ARID4A: variants seen among roughly 807,000 people sequenced by gnomAD.
ARID4A encodes AT-rich interactive domain-containing protein 4A.
In ARID4A, 39 loss-of-function variants were observed where a neutral mutation model predicts 148.6. The observed-to-expected ratio is 0.26, with a 90% confidence interval of 0.20 to 0.34. The LOEUF (loss-of-function observed/expected upper bound fraction) is 0.34. Among genes scored for constraint, ARID4A ranks in the 10% least tolerant of loss-of-function variants. The pLI is 1.00. For missense variants in ARID4A, 1,265 were observed against 1,449.1 expected (o/e 0.87, Z 2.06); for synonymous variants, 475 against 481.2 (o/e 0.99, Z 0.17).
At chr14:58,340,415 T>C (rs2140218137) in intron 11 of ARID4A, among the ~76,000 whole-genome samples, 1 of 152,218 alleles carries the variant, frequency 6.6e-6, no homozygotes, top group African/African-American at 2.4e-5. Context: ...AGTGGCACAA[T>C]CTTGGCTCAC....
chr14:58,340,436 G>A (rs1249701072), intron 11 of ARID4A, among the ~76,000 whole-genome samples: 1 of 152,120 alleles, frequency 6.6e-6, no homozygotes, highest in Non-Finnish European at 1.5e-5. Context: ...TACAACCTCC[G>A]CCTCCTGGGT....
chr14:58,346,065 T>C (rs1258506698), intron 12 of ARID4A, among the ~76,000 whole-genome samples: 1 of 151,780 alleles, frequency 6.6e-6, no homozygotes, highest in Non-Finnish European at 1.5e-5. Context: ...ACCAGCAACA[T>C]TGTTGGCCAC....
In ARID4A at chr14:58,349,086, T is replaced by C. The variant is rs554938446; in HGVS notation, c.1404+1208T>C. On this transcript the variant is annotated intron_variant, in intron 15 of 23. Transcript: ENST00000355431. ...ATGAATTTGATATTCTAGGTACTTT[T>C]ATATAAGTGAAATCATACAGTGTTT... Among the ~76,000 whole-genome samples the C allele has an allele frequency of 9.2e-5, 14 of 152,318 alleles. No individual in the cohort carries two copies. In the South Asian group the frequency reaches 2.9e-3, roughly 32 times the overall value.
At chr14:58,365,343 A>T in intron 20 of ARID4A, 43 bp downstream of exon 20, 1 of 1,550,542 alleles carries the variant, frequency 6.4e-7, no homozygotes, top group South Asian at 1.3e-5. Context: ...TATGAAACCA[A>T]AAATCAAAAC....
chr14:58,317,252 AT>A (rs920054318), intron 5 of ARID4A, among the ~76,000 whole-genome samples: 10 of 148,360 alleles, frequency 6.7e-5, no homozygotes, highest in African/African-American at 2.5e-4. Flanking sequence ...TGTAATTATG[AT>A]TTTTTTTAAA....
intron 15 of ARID4A, among the ~76,000 whole-genome samples, chr14:58,350,348 T>G (rs535638123): frequency 1.2e-3 from 190 of 152,342 alleles, no homozygotes; most frequent in Non-Finnish European, 1.7e-3. Flanking sequence ...CTTTATCTGC[T>G]TTATTCCAAG....
At chr14:58,369,085 A>G (rs1483840504) in intron 23 of ARID4A, among the ~76,000 whole-genome samples, 2 of 152,246 alleles carry the variant, frequency 1.3e-5, no homozygotes, top group East Asian at 3.8e-4. Flanking sequence ...AAATTCCACT[A>G]GAGGGTCAAA....
intron 7 of ARID4A, among the ~76,000 whole-genome samples, chr14:58,323,161 TA>T (rs905599033): frequency 1.2e-3 from 175 of 144,000 alleles, no homozygotes; most frequent in African/African-American, 2.2e-3. Flanking sequence ...AGGGCAATCT[TA>T]AAAAAAAAAA....
Position 58,358,158 on chromosome 14 carries a change from C to T in ARID4A, c.1854-974C>T, listed in dbSNP as rs150694526. 6.0e-3 allele frequency among the ~76,000 whole-genome samples: 914 copies of T among 152,084 alleles called. 14 individuals are homozygous for T. The highest frequency in any genetic ancestry group is 0.021 in the African/African-American group (884 of 41,480). ...TCATGCCTCTGCACTCCATCCTGGG[C>T]AACAGAGTGAGACCCTCTCTAAAAA... On this transcript the variant is annotated intron_variant, in intron 17 of 23. Coordinates refer to ENST00000355431, the MANE Select transcript of ARID4A (RefSeq NM_002892.4).
At chr14:58,302,974 T>C (rs894428437) in intron 3 of ARID4A, among the ~76,000 whole-genome samples, 5 of 152,186 alleles carry the variant, frequency 3.3e-5, no homozygotes, top group African/African-American at 1.2e-4. Flanking sequence ...AAAAAATTTT[T>C]TTTTAAGATG....
intron 11 of ARID4A, chr14:58,331,169 C>G (rs563799622): frequency 2.0e-5 from 3 of 152,278 alleles, no homozygotes; most frequent in African/African-American, 7.2e-5. Context: ...ACTCTGAAAT[C>G]AGAATGGCGG....
At chr14:58,333,589 G>A (rs1241896897) in intron 11 of ARID4A, among the ~76,000 whole-genome samples, 1 of 151,966 alleles carries the variant, frequency 6.6e-6, no homozygotes, top group African/African-American at 2.4e-5. Flanking sequence ...TGCCATTTCT[G>A]TAATACTGGG....
At chr14:58,319,040 G>GT (rs1215895433) in intron 7 of ARID4A, among the ~76,000 whole-genome samples, 1 of 151,896 alleles carries the variant, frequency 6.6e-6, no homozygotes, top group Non-Finnish European at 1.5e-5. Context: ...CTTTGCCGAA[G>GT]TTTTTTTTGT....
intron 17 of ARID4A, 34 bp downstream of exon 17, chr14:58,353,889 T>G: frequency 1.3e-6 from 2 of 1,565,302 alleles, no homozygotes; most frequent in Non-Finnish European, 1.7e-6. Flanking sequence ...CTATTGAAAT[T>G]TTTTCGATGA....
chr14:58,336,723 G>A (rs1026691462), intron 11 of ARID4A, among the ~76,000 whole-genome samples: 10 of 152,008 alleles, frequency 6.6e-5, no homozygotes, highest in African/African-American at 2.4e-4. Context: ...TTTAAAGTAA[G>A]ACTGTTTGTT....
chr14:58,331,995 AC>A (rs58313316), intron 11 of ARID4A, among the ~76,000 whole-genome samples: 48,951 of 85,612 alleles, frequency 0.57, 12,424 homozygotes, highest in Middle Eastern at 0.7. Context: ...CATTTTCCCT[AC>A]CCCCCCCCCC....
chr14:58,306,138 G>C, intron 5 of ARID4A, 26 bp downstream of exon 5: 1 of 1,532,296 alleles, frequency 6.5e-7, no homozygotes, highest in Non-Finnish European at 9.0e-7. Flanking sequence ...ATTTAACACA[G>C]ATTTGATTTG....
intron 8 of ARID4A, among the ~76,000 whole-genome samples, chr14:58,327,246 C>T (rs1439048621): frequency 1.3e-5 from 2 of 152,184 alleles, no homozygotes; most frequent in African/African-American, 4.8e-5. Context: ...AGATATAGAA[C>T]GTTTCCATCA....
In ARID4A at chr14:58,364,268, T is replaced by C. The variant is rs1236126568; in HGVS notation, c.2179T>C (p.Leu727=). 2 of 1,543,164 alleles carry C rather than the reference T, an allele frequency of 1.3e-6. No individual in the cohort carries two copies. Among genetic ancestry groups the C allele is most frequent in the South Asian group, 2.6e-5 (2 of 78,188 alleles). The change falls in exon 20 of 24, where the codon TTG becomes CTG. Residue 727 remains leucine, a synonymous_variant. Coordinates refer to ENST00000355431, the MANE Select transcript of ARID4A (RefSeq NM_002892.4). ...AGATGAACTAGAAAAAAATGAAAAT[T>C]TGAATGATGATAAGCTAGATGAAGA... is the stretch of plus-strand genomic sequence containing the variant. ...LKDELEKNEN[L]NDDKLDEENP... is the part of the protein sequence containing the mutation.
Sources: allele counts gnomAD v4.1 joint callset (sites outside exome capture counted in the v4.1 genomes callset), GRCh38; gene constraint gnomAD v4.1.1; transcripts MANE v1.5; gene names NCBI Gene and HGNC (gene_info 2026-07-23, HGNC 2026-07-21).